The following MSRA variants were observed in gnomAD, a reference collection of about 807,000 sequenced individuals.
MSRA encodes mitochondrial peptide methionine sulfoxide reductase.
Under a neutral mutation model 31.3 loss-of-function variants are expected in MSRA, and 54 were observed. That is an observed-to-expected ratio of 1.73 (90% confidence interval 1.39 to 2.17). The LOEUF is 2.17. Among genes scored for constraint, MSRA ranks in the 30% most tolerant of loss-of-function variants. The pLI, the probability that MSRA is intolerant of heterozygous loss-of-function variation, is 0.00. For synonymous variants in MSRA, 169 were observed against 116.5 expected (o/e 1.45, Z -2.90); for missense variants, 507 against 300.9 (o/e 1.69, Z -5.07).
intron 1 of MSRA, among the ~76,000 whole-genome samples, chr8:10,176,369 T>A: frequency 6.6e-6 from 1 of 152,138 alleles, no homozygotes; most frequent in East Asian, 1.9e-4. Flanking sequence ...CGAAGAAGAA[T>A]AGGGCTTAGT....
rs138723582 is a variant in MSRA, at chr8:10,309,766, G to A, written c.436+8128G>A. On this transcript the variant is annotated intron_variant, in intron 4 of 5. Transcript: ENST00000317173. ...GCCTGCAAGGACTCTTCTCTACTTG[G>A]TGTCCTTGGGCTGCATGGGCTTCCC... 5.6e-3 allele frequency among the ~76,000 whole-genome samples: 856 copies of A among 152,228 alleles called. 1 individual carries two copies. The highest frequency in any genetic ancestry group is 7.9e-3 in the South Asian group (38 of 4,818).
chr8:10,154,264 T>C (rs914447049), intron 1 of MSRA, among the ~76,000 whole-genome samples: 1 of 147,168 alleles, frequency 6.8e-6, no homozygotes, highest in African/African-American at 2.5e-5. Flanking sequence ...TTACAGTTCT[T>C]ACCAAGGTTA....
At chr8:10,256,716 T>C (rs367956016) in intron 3 of MSRA, among the ~76,000 whole-genome samples, 1 of 152,214 alleles carries the variant, frequency 6.6e-6, no homozygotes, top group African/African-American at 2.4e-5. Flanking sequence ...AGTTCAGATT[T>C]GCATGTGTCC....
At chr8:10,222,350 C>T (rs757071300) in intron 2 of MSRA, among the ~76,000 whole-genome samples, 1 of 152,032 alleles carries the variant, frequency 6.6e-6, no homozygotes, top group Non-Finnish European at 1.5e-5. Context: ...ATTAGCTTGG[C>T]TATTATCAAA....
chr8:10,203,025 G>A (rs1242747326), intron 1 of MSRA, among the ~76,000 whole-genome samples: 2 of 151,898 alleles, frequency 1.3e-5, no homozygotes, highest in East Asian at 1.9e-4. Context: ...GCGGTCCACA[G>A]GACTGATGTA....
At chr8:10,309,057 A>C (rs1801292202) in intron 4 of MSRA, among the ~76,000 whole-genome samples, 1 of 152,236 alleles carries the variant, frequency 6.6e-6, no homozygotes, top group East Asian at 1.9e-4. Context: ...TATCGTCCTC[A>C]GAAAGGTCTT....
intron 1 of MSRA, among the ~76,000 whole-genome samples, chr8:10,114,258 T>C (rs1038138988): frequency 3.3e-5 from 5 of 152,242 alleles, no homozygotes; most frequent in African/African-American, 1.2e-4. Flanking sequence ...TTGGGTTGTT[T>C]TTAGTATTTG....
At chr8:10,283,836 T>TATATACACACACACACACACAC (rs1261287031) in intron 3 of MSRA, among the ~76,000 whole-genome samples, 6 of 53,166 alleles carry the variant, frequency 1.1e-4, no homozygotes, top group South Asian at 9.9e-4. Flanking sequence ...TATATATATA[T>TATATACACACACACACACACAC]ACACACACAC....
intron 5 of MSRA, among the ~76,000 whole-genome samples, chr8:10,392,366 C>A (rs1473881344): frequency 6.6e-6 from 1 of 152,190 alleles, no homozygotes; most frequent in Non-Finnish European, 1.5e-5. Context: ...CCTCCATGTT[C>A]AGTCCAGGAG....
In MSRA at chr8:10,134,039, C is replaced by T. The variant is rs1802088215; in HGVS notation, c.143-73794C>T. On this transcript the variant is annotated intron_variant, in intron 1 of 5. Coordinates refer to ENST00000317173, the MANE Select transcript of MSRA (RefSeq NM_012331.5). ...AGAGAAGGGGTTTCACCACCTTGGC[C>T]AGCCTGGTCTCCCAACTCCTGACCT... Among the ~76,000 whole-genome samples, 3 of 152,088 alleles carry T rather than the reference C, an allele frequency of 2.0e-5. No homozygotes were observed. In the South Asian group the frequency reaches 6.2e-4, roughly 32 times the overall value.
At chr8:10,262,286 T>G (rs1280248660) in intron 3 of MSRA, among the ~76,000 whole-genome samples, 2 of 152,260 alleles carry the variant, frequency 1.3e-5, no homozygotes, top group African/African-American at 4.8e-5. Context: ...ATGTTTAGCT[T>G]TGCCATAAAT....
At chr8:10,228,817 G>C (rs1272759484) in intron 2 of MSRA, among the ~76,000 whole-genome samples, 2 of 152,164 alleles carry the variant, frequency 1.3e-5, no homozygotes, top group Non-Finnish European at 2.9e-5. Flanking sequence ...CACATATACA[G>C]ATATCAGTGT....
chr8:10,193,166 G>A (rs1436595553), intron 1 of MSRA, among the ~76,000 whole-genome samples: 2 of 152,222 alleles, frequency 1.3e-5, no homozygotes, highest in Non-Finnish European at 2.9e-5. Context: ...GGTATGCCAA[G>A]TCACACTCGT....
At chr8:10,114,141 A>G (rs1800501501) in intron 1 of MSRA, among the ~76,000 whole-genome samples, 1 of 152,224 alleles carries the variant, frequency 6.6e-6, no homozygotes, top group Non-Finnish European at 1.5e-5. Flanking sequence ...ATGTATCAGT[A>G]TTCCATTCCT....
At chr8:10,202,372 T>G (rs1010105487) in intron 1 of MSRA, among the ~76,000 whole-genome samples, 51 of 152,320 alleles carry the variant, frequency 3.3e-4, no homozygotes, top group Middle Eastern at 6.8e-3. Context: ...CTCTCAGATT[T>G]CCCCTTATTC....
At position 10,116,597 on chromosome 8, in the gene MSRA, A is replaced by G. The variant is rs140778658; in HGVS notation, c.142+61939A>G. Reference sequence around the variant, plus strand: ...ACTTGGATATCGTGTGATAACATACATGCCATCGATAGACACCTAGGATGC... The same window carrying G: ...ACTTGGATATCGTGTGATAACATACGTGCCATCGATAGACACCTAGGATGC... On this transcript the variant is annotated intron_variant, in intron 1 of 5. Transcript: ENST00000317173. 1.5e-3 allele frequency among the ~76,000 whole-genome samples: 232 copies of G among 152,328 alleles called. 1 individual carries two copies. The highest frequency in any genetic ancestry group is 5.1e-3 in the African/African-American group (214 of 41,574).
intron 1 of MSRA, among the ~76,000 whole-genome samples, chr8:10,072,290 ACTCC>A (rs1797774429): frequency 7.8e-6 from 1 of 128,898 alleles, no homozygotes; most frequent in Non-Finnish European, 1.6e-5. Context: ...TGCACACAAG[ACTCC>A]CTTTCGCAAC....
At chr8:10,238,925 C>T (rs968931983) in intron 2 of MSRA, among the ~76,000 whole-genome samples, 2 of 152,020 alleles carry the variant, frequency 1.3e-5, no homozygotes, top group Non-Finnish European at 2.9e-5. Flanking sequence ...AAATTTAAAA[C>T]ATCTGTATGA....
intron 1 of MSRA, 21 bp downstream of exon 1, chr8:10,054,679 A>T: frequency 6.7e-7 from 1 of 1,493,804 alleles, no homozygotes. Context: ...GCCACACGGA[A>T]GGCGCGGGCG....
Sources: allele counts gnomAD v4.1 joint callset (sites outside exome capture counted in the v4.1 genomes callset), GRCh38; gene constraint gnomAD v4.1.1; transcripts MANE v1.5; gene names NCBI Gene and HGNC (gene_info 2026-07-23, HGNC 2026-07-21).